The following USP7 variants were observed in gnomAD, a reference collection of about 807,000 sequenced individuals.
USP7 encodes the protein ubiquitin specific peptidase 7, also known as ubiquitin C-terminal hydrolase 7.
In USP7, 9 loss-of-function variants were observed where a neutral mutation model predicts 162.9. The observed-to-expected ratio is 0.06, with a 90% CI of 0.03 to 0.10. The LOEUF (loss-of-function observed/expected upper bound fraction) is 0.10, where lower values mean the gene tolerates loss of function less well. USP7 is among the 10% of genes least tolerant of loss of function. The probability of loss-of-function intolerance (pLI) is 1.00; values close to 1 mark genes in which losing one functional copy is unlikely to be tolerated. For missense variants in USP7, 715 were observed against 1,373.7 expected, an observed-to-expected ratio of 0.52 and a Z score of 7.58; for synonymous variants, 562 against 475.9, an observed-to-expected ratio of 1.18 and a Z score of -2.35.
intron 1 of USP7, among the ~76,000 whole-genome samples, chr16:8,949,123 C>CT (rs750527203): frequency 7.2e-5 from 11 of 152,244 alleles, no homozygotes; most frequent in Non-Finnish European, 1.0e-4. Context: ...CTAAAAACCA[C>CT]TGAACCCACT....
chr16:8,929,752 AAAAAT>A (rs1898210861), intron 2 of USP7, among the ~76,000 whole-genome samples: 1 of 152,236 alleles, frequency 6.6e-6, no homozygotes. Flanking sequence ...TTCCTACACA[AAAAAT>A]GTCCATGCAC....
chr16:8,936,527 T>C (rs1000585439), intron 1 of USP7: 5 of 1,469,344 alleles, frequency 3.4e-6, no homozygotes, highest in Admixed American at 2.5e-5. Context: ...CATGTCAGTA[T>C]TGGTTATCTC....
chr16:8,924,134 C>A (rs1183588048), intron 2 of USP7, among the ~76,000 whole-genome samples: 2 of 152,182 alleles, frequency 1.3e-5, no homozygotes, highest in African/African-American at 2.4e-5. Flanking sequence ...AGAGGTCCAA[C>A]TGAAGGTCTC....
At chr16:8,929,850 T>C (rs980641832) in intron 2 of USP7, among the ~76,000 whole-genome samples, 1 of 152,274 alleles carries the variant, frequency 6.6e-6, no homozygotes. Context: ...TTGAATCTGA[T>C]TTCATCCCTA....
chr16:8,905,037 G>A (rs576928826), intron 14 of USP7, 150 bp downstream of exon 14: 35 of 874,468 alleles, frequency 4.0e-5, no homozygotes, highest in Middle Eastern at 3.2e-4. Flanking sequence ...ATCGAAACGC[G>A]CAAGCCCAAC....
At chr16:8,932,761 G>A (rs1898440753) in intron 1 of USP7, among the ~76,000 whole-genome samples, 1 of 152,166 alleles carries the variant, frequency 6.6e-6, no homozygotes, top group Non-Finnish European at 1.5e-5. Context: ...AGAAAGTGGA[G>A]GAGGCAAGAA....
intron 1 of USP7, among the ~76,000 whole-genome samples, chr16:8,946,228 T>C (rs1217982155): frequency 6.6e-6 from 1 of 152,036 alleles, no homozygotes; most frequent in Non-Finnish European, 1.5e-5. Context: ...TCATGATGGG[T>C]AGGGCAAATA....
intron 7 of USP7, 57 bp downstream of exon 7, chr16:8,916,969 T>TAAAAAAAAAA: frequency 7.7e-7 from 1 of 1,294,742 alleles, no homozygotes; most frequent in Non-Finnish European, 1.0e-6. Context: ...TCACTTGTCC[T>TAAAAAAAAAA]AAAAAAAAAA....
rs1000423429 is a variant in USP7 at position 8,892,919 on chromosome 16, T to C, written c.*1079A>G. Reference sequence around the variant, plus strand: ...AAAAATAAGAGTGATTTGCTGATTCTATTTTACTGCACTCAAAACTAGACA... The same window carrying C: ...AAAAATAAGAGTGATTTGCTGATTCCATTTTACTGCACTCAAAACTAGACA... On this transcript the variant is annotated 3_prime_UTR_variant, in exon 31 of 31. Coordinates refer to ENST00000344836, the MANE Select transcript of USP7 (RefSeq NM_003470.3). 11 of 152,222 alleles carry C rather than the reference T, an allele frequency of 7.2e-5. No homozygotes were observed. Among genetic ancestry groups the C allele is most frequent in the African/African-American group, 2.2e-4 (9 of 41,462 alleles). 9.4% of individuals were successfully genotyped at this position (152,222 alleles called of 1,614,324 possible). A position where few individuals can be genotyped will look rare whatever the true frequency, so the allele number is the denominator to read the frequency against.
At chr16:8,920,528 G>A (rs7189170) in intron 4 of USP7, 81 bp from the exon 5 acceptor site, 702,510 of 1,141,904 alleles carry the variant, frequency 0.62, 215,288 homozygotes, top group South Asian at 0.64. Flanking sequence ...TTAGTGCCCT[G>A]TACTTAATAG....
At position 8,937,328 on chromosome 16, in the gene USP7, T is replaced by G. The variant is rs535685886; in HGVS notation, c.80-6931A>C. ...GGGAGGCTGAGGCGGGCGGATCACC[T>G]GAGGCCAGAAGTTTGAGACCAGCCT... On this transcript the variant is annotated intron_variant, in intron 1 of 30. Coordinates refer to ENST00000344836, the MANE Select transcript of USP7 (RefSeq NM_003470.3). 4.7e-3 allele frequency among the ~76,000 whole-genome samples: 713 copies of G among 152,128 alleles called. 2 individuals are homozygous for G. The highest frequency in any genetic ancestry group is 8.4e-3 in the Non-Finnish European group (573 of 67,976).
intron 2 of USP7, among the ~76,000 whole-genome samples, chr16:8,928,653 G>A (rs1898148085): frequency 1.3e-5 from 2 of 152,096 alleles, no homozygotes; most frequent in South Asian, 2.1e-4. Flanking sequence ...TTACATGCTG[G>A]GTCTTTCAAC....
At chr16:8,953,593 C>T (rs112554965) in intron 1 of USP7, among the ~76,000 whole-genome samples, 1,346 of 64,150 alleles carry the variant, frequency 0.021, 75 homozygotes, top group African/African-American at 0.052. Flanking sequence ...CCCCATGCGG[C>T]GCCACCGGAA....
rs778082711 is a variant in USP7 at position 8,894,865 on chromosome 16, C to T, written c.3040-10G>A. ...CTCGAAAATGCTCGCCCTAGAATGG[C>T]AAAGGACATGTGCTCACACAGTCAC... is the stretch of plus-strand genomic sequence containing the variant. On this transcript the variant is annotated splice_polypyrimidine_tract_variant and intron_variant, in intron 28 of 30. Transcript: ENST00000344836. 6 of 1,614,204 alleles carry T rather than the reference C, an allele frequency of 3.7e-6. No homozygotes were observed. The highest frequency in any genetic ancestry group is 5.1e-6 in the Non-Finnish European group (6 of 1,180,032).
chr16:8,942,131 C>G (rs904449618), intron 1 of USP7, among the ~76,000 whole-genome samples: 1 of 152,250 alleles, frequency 6.6e-6, no homozygotes, highest in Non-Finnish European at 1.5e-5. Context: ...GGAAGGTGGG[C>G]AGGGCCAAAG....
intron 1 of USP7, among the ~76,000 whole-genome samples, chr16:8,943,716 C>T (rs1247410631): frequency 1.3e-5 from 2 of 152,312 alleles, no homozygotes; most frequent in South Asian, 4.1e-4. Flanking sequence ...AACTGTCCTT[C>T]CCAAAGGCAA....
intron 6 of USP7, among the ~76,000 whole-genome samples, chr16:8,917,503 C>G (rs888521180): frequency 6.6e-6 from 1 of 152,114 alleles, no homozygotes; most frequent in Admixed American, 6.5e-5. Flanking sequence ...CTCAGCCTCC[C>G]GAGTAGCTGG....
intron 1 of USP7, among the ~76,000 whole-genome samples, chr16:8,938,310 TCACA>T (rs1350224675): frequency 2.0e-5 from 3 of 149,720 alleles, no homozygotes; most frequent in African/African-American, 7.4e-5. Context: ...AACTGTAGAT[TCACA>T]CACAGTCTTA....
chr16:8,958,931 G>A (rs931609245), intron 1 of USP7, among the ~76,000 whole-genome samples: 1 of 152,194 alleles, frequency 6.6e-6, no homozygotes, highest in Non-Finnish European at 1.5e-5. Flanking sequence ...AATCCACATC[G>A]GATATGGTTA....
Sources: allele counts gnomAD v4.1 joint callset (sites outside exome capture counted in the v4.1 genomes callset), GRCh38; gene constraint gnomAD v4.1.1; transcripts MANE v1.5; gene names NCBI Gene and HGNC (gene_info 2026-07-23, HGNC 2026-07-21).